MAPK8IP3: variants seen among roughly 807,000 people sequenced by gnomAD.
The protein encoded by MAPK8IP3 is C-Jun-amino-terminal kinase-interacting protein 3.
MAPK8IP3 carries 49 observed loss-of-function variants against 157.8 expected under a neutral mutation model. The ratio of observed to expected loss-of-function variants is 0.31; its 90% CI spans 0.25 to 0.39. The LOEUF (loss-of-function observed/expected upper bound fraction) is 0.39. Among genes scored for constraint, MAPK8IP3 ranks in the 10% least tolerant of loss-of-function variants. The pLI, the probability that MAPK8IP3 is intolerant of heterozygous loss-of-function variation, is 1.00. For missense variants in MAPK8IP3, 1,478 were observed against 1,889.4 expected (o/e 0.78, Z 4.04); for synonymous variants, 897 against 777.7 (o/e 1.15, Z -2.55).
chr16:1,769,133 C>A lies in MAPK8IP3; in HGVS notation c.*309C>A, dbSNP rs572454301. On this transcript the variant is annotated 3_prime_UTR_variant, in exon 32 of 32. Transcript: ENST00000610761. ...CCTTGGGCCCAGCGCAGGCAGAATC[C>A]GAGGTGGTCCTGGCTCTACCCTGGG... The A allele has an allele frequency of 2.5e-6, 1 of 405,296 alleles. No homozygotes were observed. The highest frequency in any genetic ancestry group is 2.5e-5 in the South Asian group (1 of 40,000). The allele number at this position is 405,296 out of a possible 1,614,324, so 25.1% of individuals were successfully genotyped here. A position where few individuals can be genotyped will look rare whatever the true frequency, so the allele number is the denominator to read the frequency against.
chr16:1,723,129 G>C (rs926730037), intron 1 of MAPK8IP3, among the ~76,000 whole-genome samples: 2 of 151,820 alleles, frequency 1.3e-5, no homozygotes, highest in African/African-American at 2.4e-5. Flanking sequence ...CCACCTCCCA[G>C]GTTCAAGCGA....
chr16:1,760,603 C>T (rs2041876297), intron 12 of MAPK8IP3, 71 bp downstream of exon 12: 4 of 1,535,998 alleles, frequency 2.6e-6, no homozygotes, highest in South Asian at 2.5e-5. Context: ...GCTGCCTCCT[C>T]CAGTGCCTGC....
At position 1,766,738 on chromosome 16, in the gene MAPK8IP3, G is replaced by C; in HGVS notation, c.2955G>C (p.Ser985=). 6.2e-7 allele frequency: 1 copy of C among 1,612,822 alleles called. No homozygotes were observed. The highest frequency in any genetic ancestry group is 8.5e-7 in the Non-Finnish European group (1 of 1,179,916). The part of the protein sequence containing the change: ...GAQNGWLYVH[S]AVANWKKCLH... Reference sequence around the variant, plus strand: ...CCTTCCCTAGGCTCTATGTGCACTCGGCTGTGGCCAACTGGAAGAAGTGCC... The same window carrying C: ...CCTTCCCTAGGCTCTATGTGCACTCCGCTGTGGCCAACTGGAAGAAGTGCC... Residue 985 remains serine (S), a synonymous_variant, in exon 24 of 32, where the codon TCG becomes TCC. Transcript: ENST00000610761.
intron 5 of MAPK8IP3, chr16:1,746,813 G>A: frequency 1.7e-6 from 1 of 590,098 alleles, no homozygotes; most frequent in Non-Finnish European, 2.9e-6. Context: ...CTGCTTCCGA[G>A]GAGCCGGAGT....
Position 1,767,753 on chromosome 16 carries a change from A to G in MAPK8IP3, c.3409+18A>G, listed in dbSNP as rs2076427. The G allele has an allele frequency of 0.79, 1,277,062 of 1,611,868 alleles. 507,604 individuals carry two copies. Among genetic ancestry groups the G allele is most frequent in the Admixed American group, 0.88 (52,888 of 59,980 alleles). The stretch of plus-strand genomic sequence containing the variant: ...GATGCTAGGTGAGGGGCCACGCCAG[A>G]TGGGGTGGTGGGGTGCTCAAGGCCA... On this transcript the variant is annotated intron_variant, in intron 27 of 31. Coordinates refer to ENST00000610761, the MANE Select transcript of MAPK8IP3 (RefSeq NM_001318852.2).
At chr16:1,763,285 C>T (rs1259680979) in intron 16 of MAPK8IP3, among the ~76,000 whole-genome samples, 1 of 152,258 alleles carries the variant, frequency 6.6e-6, no homozygotes, top group African/African-American at 2.4e-5. Context: ...ACGGTGGCCT[C>T]TGCAGCAAGG....
At chr16:1,763,240 T>G (rs369561792) in intron 16 of MAPK8IP3, among the ~76,000 whole-genome samples, 14 of 152,240 alleles carry the variant, frequency 9.2e-5, no homozygotes, top group African/African-American at 3.1e-4. Context: ...GCAGAGGCTG[T>G]GCCCACCAAC....
chr16:1,740,388 G>A (rs537175655), intron 4 of MAPK8IP3, among the ~76,000 whole-genome samples: 4 of 149,702 alleles, frequency 2.7e-5, no homozygotes, highest in African/African-American at 7.4e-5. Context: ...CCGTGTAAGC[G>A]TGTGACCGTC....
chr16:1,733,869 C>G (rs1454247130), intron 4 of MAPK8IP3, among the ~76,000 whole-genome samples: 1 of 152,264 alleles, frequency 6.6e-6, no homozygotes, highest in East Asian at 1.9e-4. Flanking sequence ...GCTGCCACAA[C>G]CAGGTCCTTC....
chr16:1,755,195 G>C (rs1014282336), intron 8 of MAPK8IP3, among the ~76,000 whole-genome samples: 1 of 152,198 alleles, frequency 6.6e-6, no homozygotes, highest in African/African-American at 2.4e-5. Context: ...GAGCCATGGG[G>C]AATTCATCTA....
intron 8 of MAPK8IP3, chr16:1,752,506 G>A: frequency 2.8e-6 from 1 of 362,568 alleles, no homozygotes; most frequent in South Asian, 2.0e-5. Context: ...GCTTTGGGAG[G>A]CCAGGGCAGG....
chr16:1,745,285 C>T (rs2040895825), intron 5 of MAPK8IP3: 3 of 631,484 alleles, frequency 4.8e-6, no homozygotes, highest in Non-Finnish European at 5.9e-6. Flanking sequence ...TGCACAGCTA[C>T]ACCCTGCCTG....
intron 4 of MAPK8IP3, among the ~76,000 whole-genome samples, chr16:1,738,687 T>G (rs1432546423): frequency 8.5e-6 from 1 of 117,224 alleles, no homozygotes; most frequent in Non-Finnish European, 1.7e-5. Flanking sequence ...TGACCGTCCG[T>G]GTAGCATCCA....
chr16:1,759,013 T>C lies in MAPK8IP3; in HGVS notation c.1246+18T>C, dbSNP rs201501091. ...TTTCTTTGGTAAGGCTGAGGCCCCG[T>C]TCCAGCGTGCGTCGCTCCTCCACCC... On this transcript the variant is annotated intron_variant, in intron 10 of 31. Transcript: ENST00000610761. 6.2e-7 allele frequency: 1 copy of C among 1,614,090 alleles called. No individual in the cohort carries two copies. The highest frequency in any genetic ancestry group is 2.2e-5 in the East Asian group (1 of 44,884).
chr16:1,766,037 G>A lies in MAPK8IP3; in HGVS notation c.2524G>A (p.Gly842Ser), dbSNP rs2042240094. Reference protein sequence around the residue: ...DVNPEDPGADGVLAGITLVGC... With the variant: ...DVNPEDPGADSVLAGITLVGC... ...GAACCCAGAGGACCCGGGCGCAGAT[G>A]GCGTGCTGGCCGGTATCACCCTGGT... Residue 842 changes from glycine to serine, a missense_variant, in exon 21 of 32, where the codon GGC becomes AGC. By Grantham distance (56) the Gly-to-Ser change is moderately conservative (BLOSUM62 0). Transcript: ENST00000610761. 1 of 1,612,858 alleles carries A rather than the reference G, an allele frequency of 6.2e-7. No individual in the cohort carries two copies. The highest frequency in any genetic ancestry group is 8.5e-7 in the Non-Finnish European group (1 of 1,179,958).
Position 1,766,818 on chromosome 16 carries a change from A to ACCCGC in MAPK8IP3, c.3020+17_3020+18insCGCCC, listed in dbSNP as rs2042290745. On this transcript the variant is annotated intron_variant, in intron 24 of 31. Transcript: ENST00000610761. Reference sequence around the variant, plus strand: ...CTGAGCCTGGTGTGGGTGACCCCAGACCGAGGGCCGGGCGGCGCGGGGGAA... The same window carrying ACCCGC: ...CTGAGCCTGGTGTGGGTGACCCCAGACCCGCCCGAGGGCCGGGCGGCGCGGGGGAA... 1 of 1,612,412 alleles carries ACCCGC rather than the reference A, an allele frequency of 6.2e-7. No homozygotes were observed. Among genetic ancestry groups the ACCCGC allele is most frequent in the Non-Finnish European group, 8.5e-7 (1 of 1,179,908 alleles).
In MAPK8IP3 at chr16:1,747,038, G is replaced by A. The variant is rs1391570429; in HGVS notation, c.757G>A (p.Asp253Asn). Residue 253 changes from aspartate to asparagine, a missense_variant, in exon 6 of 32, where the codon GAT becomes AAT. Asp to Asn is a conservative substitution (Grantham distance 23, BLOSUM62 1). Transcript: ENST00000610761. ...QSSSSYQCPQ[D>N]EMSESGQSSA... Reference sequence around the variant, plus strand: ...CTGTGTTTGGCCTTAGTGTCCACAGGATGAAATGTCCGAGTCAGGCCAGTC... The same window carrying A: ...CTGTGTTTGGCCTTAGTGTCCACAGAATGAAATGTCCGAGTCAGGCCAGTC... 1 of 1,613,532 alleles carries A rather than the reference G, an allele frequency of 6.2e-7. No individual in the cohort carries two copies.
intron 22 of MAPK8IP3, 31 bp from the exon 23 acceptor site, chr16:1,766,498 G>GC (rs749407304): frequency 4.0e-5 from 65 of 1,606,826 alleles, no homozygotes; most frequent in Admixed American, 6.7e-5. Context: ...GTGCTCCGTG[G>GC]CCCCCCCTGG....
intron 4 of MAPK8IP3, among the ~76,000 whole-genome samples, chr16:1,737,654 G>A (rs1312303593): frequency 2.3e-5 from 2 of 87,734 alleles, no homozygotes; most frequent in African/African-American, 4.6e-5. Context: ...GTGACTGTCC[G>A]TGTGAGCGTC....
Sources: gnomAD v4.1 joint callset for allele counts (sites outside exome capture counted in the v4.1 genomes callset) on GRCh38, gnomAD v4.1.1 for gene constraint, MANE v1.5 for transcripts, NCBI Gene and HGNC (gene_info 2026-07-23, HGNC 2026-07-21) for gene names.